Variants in FRMPD4 observed in about 807,000 individuals in gnomAD.
The protein encoded by FRMPD4 is FERM and PDZ domain-containing protein 4.
FRMPD4 carries 22 observed loss-of-function variants against 94.1 expected under a neutral mutation model. That is an observed-to-expected ratio of 0.23 (90% CI 0.17 to 0.33). The LOEUF (loss-of-function observed/expected upper bound fraction) is 0.33, where lower values mean the gene tolerates loss of function less well. Among genes scored for constraint, FRMPD4 ranks in the 10% least tolerant of loss-of-function variants. The probability of loss-of-function intolerance (pLI) is 1.00; values close to 1 mark genes in which losing one functional copy is unlikely to be tolerated. For missense variants in FRMPD4, 1,111 were observed against 1,339.9 expected (o/e 0.83, Z 2.67); for synonymous variants, 631 against 548.6 (o/e 1.15, Z -2.10).
At chrX:12,644,305 A>G (rs2059527598) in intron 4 of FRMPD4, among the ~76,000 whole-genome samples, 1 of 104,734 alleles carries the variant, frequency 9.5e-6, no homozygotes, top group African/African-American at 3.3e-5. Flanking sequence ...TCTTTAAAAT[A>G]AAAAATATTT....
chrX:12,032,611 C>G (rs1201952139), intron 3 of FRMPD4, among the ~76,000 whole-genome samples: 1 of 111,373 alleles, frequency 9.0e-6, no homozygotes, highest in Non-Finnish European at 1.9e-5. Context: ...AAGTCGATAC[C>G]AAACGAGAGT....
At chrX:12,065,362 C>A (rs763252497) in intron 3 of FRMPD4, among the ~76,000 whole-genome samples, 1 of 112,075 alleles carries the variant, frequency 8.9e-6, no homozygotes, top group South Asian at 3.7e-4. Context: ...TGTTTCCAGC[C>A]AACGCCAAAC....
chrX:12,185,492 C>T (rs944504461), intron 1 of FRMPD4, among the ~76,000 whole-genome samples: 1 of 111,190 alleles, frequency 9.0e-6, no homozygotes, highest in East Asian at 2.8e-4. Context: ...CTAGAAACTT[C>T]TCTTCCACTA....
chrX:11,876,025 A>C (rs370738833), intron 2 of FRMPD4, among the ~76,000 whole-genome samples: 1 of 108,682 alleles, frequency 9.2e-6, no homozygotes, highest in African/African-American at 3.4e-5. Context: ...ACAGGCACCC[A>C]CCACCATGCC....
rs757454080 is a variant in FRMPD4 at position 12,419,964 on chromosome X, G to A, written c.42-78716G>A. Among the ~76,000 whole-genome samples the A allele has an allele frequency of 3.6e-5, 4 of 111,307 alleles. No individual in the cohort carries two copies. In the South Asian group the frequency reaches 1.1e-3, roughly 32 times the overall value. ...CCATGCTTCTTTGTTTTCCGTTACC[G>A]TCTTTAGGCTGGTGACAGCTGTGTT... On this transcript the variant is annotated intron_variant, in intron 1 of 16. Coordinates refer to ENST00000675598, the MANE Select transcript of FRMPD4 (RefSeq NM_001368397.1).
chrX:12,039,832 G>A (rs771465773), intron 3 of FRMPD4, among the ~76,000 whole-genome samples: 2 of 109,234 alleles, frequency 1.8e-5, no homozygotes, highest in Admixed American at 9.8e-5. Context: ...AGTTGGGCAT[G>A]GTGGCACATG....
chrX:12,393,334 A>G (rs1399618281), intron 1 of FRMPD4, among the ~76,000 whole-genome samples: 1 of 112,409 alleles, frequency 8.9e-6, no homozygotes, highest in Non-Finnish European at 1.9e-5. Context: ...ACAGAAAAAA[A>G]AATTCTTAGA....
chrX:11,924,470 G>T (rs1019018868), intron 3 of FRMPD4, among the ~76,000 whole-genome samples: 3 of 111,208 alleles, frequency 2.7e-5, no homozygotes, highest in Non-Finnish European at 5.7e-5. Flanking sequence ...ATTCTCCAAG[G>T]TCAAAATGAA....
In FRMPD4 at chrX:12,377,809, G is replaced by T. The variant is rs771173271; in HGVS notation, c.42-120871G>T. ...AATGTAAGCTAGCCCTGTAATAAAA[G>T]CTCCTGGGAATGCAGAGGATGCCTT... On this transcript the variant is annotated intron_variant, in intron 1 of 16. Transcript: ENST00000675598. Among the ~76,000 whole-genome samples, 3 of 112,665 alleles carry T rather than the reference G, an allele frequency of 2.7e-5. No homozygotes were observed. The South Asian group carries it at 1.1e-3, about 42-fold the overall frequency.
intron 1 of FRMPD4, among the ~76,000 whole-genome samples, chrX:12,301,057 C>T (rs1359109444): frequency 9.0e-6 from 1 of 111,687 alleles, no homozygotes; most frequent in Non-Finnish European, 1.9e-5. Context: ...CCTCCGTGGT[C>T]TATAACTGCT....
intron 2 of FRMPD4, 129 bp from the exon 3 acceptor site, chrX:12,609,589 TATG>T (rs2059160967): frequency 1.9e-6 from 1 of 539,367 alleles, no homozygotes. Flanking sequence ...GAAGCATGAC[TATG>T]GGTCTCCCCA....
At chrX:12,569,409 A>AT (rs770087392) in intron 2 of FRMPD4, among the ~76,000 whole-genome samples, 2 of 111,754 alleles carry the variant, frequency 1.8e-5, no homozygotes, top group African/African-American at 3.2e-5. Flanking sequence ...CAGAGTTCAG[A>AT]TTTTTTCTCT....
At chrX:12,097,255 G>T (rs1262849854) in intron 3 of FRMPD4, among the ~76,000 whole-genome samples, 1 of 111,808 alleles carries the variant, frequency 8.9e-6, no homozygotes, top group African/African-American at 3.2e-5. Flanking sequence ...TCTAACAGCA[G>T]ATCTCTCATT....
chrX:12,648,737 C>A (rs1471453836), intron 4 of FRMPD4, among the ~76,000 whole-genome samples: 1 of 112,081 alleles, frequency 8.9e-6, no homozygotes, highest in Non-Finnish European at 1.9e-5. Flanking sequence ...TAGAGAAAAG[C>A]AAAACCTTTT....
intron 12 of FRMPD4, 56 bp from the exon 13 acceptor site, chrX:12,707,413 T>C: frequency 1.1e-6 from 1 of 902,700 alleles, no homozygotes; most frequent in Non-Finnish European, 1.6e-6. Context: ...TAGGTTCAAG[T>C]TGGCATAGCA....
intron 1 of FRMPD4, among the ~76,000 whole-genome samples, chrX:12,326,336 G>A: frequency 8.9e-6 from 1 of 111,857 alleles, no homozygotes; most frequent in East Asian, 2.8e-4. Context: ...TGAGGAGTTG[G>A]ACCACAACAG....
chrX:12,536,087 A>C (rs867060247), intron 2 of FRMPD4, among the ~76,000 whole-genome samples: 32 of 92,355 alleles, frequency 3.5e-4, no homozygotes, highest in African/African-American at 1.2e-3. Flanking sequence ...ATATATATAT[A>C]TCATATATAT....
chrX:12,655,926 G>T (rs754392721), intron 4 of FRMPD4, among the ~76,000 whole-genome samples: 98 of 112,215 alleles, frequency 8.7e-4, no homozygotes, highest in Non-Finnish European at 1.6e-3. Flanking sequence ...TGAGTGAGTT[G>T]AATGTGGCAT....
At chrX:12,425,773 G>A (rs866130268) in intron 1 of FRMPD4, among the ~76,000 whole-genome samples, 12 of 112,090 alleles carry the variant, frequency 1.1e-4, no homozygotes, top group African/African-American at 3.9e-4. Context: ...ACCTTGATGT[G>A]CTGTTACTCA....
Sources: gnomAD v4.1 joint callset for allele counts (sites outside exome capture counted in the v4.1 genomes callset) on GRCh38, gnomAD v4.1.1 for gene constraint, MANE v1.5 for transcripts, NCBI Gene and HGNC (gene_info 2026-07-23, HGNC 2026-07-21) for gene names.